UTP3: variants seen among roughly 807,000 people sequenced by gnomAD.
UTP3 encodes the protein something about silencing protein 10.
In UTP3, 19 loss-of-function variants were observed where a neutral mutation model predicts 37.9. The observed-to-expected ratio is 0.50, with a 90% CI of 0.35 to 0.74. The LOEUF (loss-of-function observed/expected upper bound fraction) is 0.74, where lower values mean the gene tolerates loss of function less well. Ranked by LOEUF, UTP3 falls within the 30% of genes least tolerant of loss-of-function variation. The probability of loss-of-function intolerance (pLI) is 0.01; values close to 1 mark genes in which losing one functional copy is unlikely to be tolerated. For synonymous variants in UTP3, 242 were observed against 218.5 expected (o/e 1.11, Z -0.95); for missense variants, 504 against 570.7 (o/e 0.88, Z 1.19).
Position 70,689,811 on chromosome 4 carries a change from C to T in UTP3, c.1134C>T (p.Tyr378=), listed in dbSNP as rs1051094600. ...TTGATGAAAAAGCAAAACTGAAGTA[C>T]TATAAAGAAATAGAAGACAGGCAAA... ...SDFDEKAKLK[Y]YKEIEDRQKL... Residue 378 remains tyrosine, a synonymous_variant, in exon 1 of 1, where the codon TAC becomes TAT. Coordinates refer to ENST00000254803, the MANE Select transcript of UTP3 (RefSeq NM_020368.3). The T allele has an allele frequency of 1.9e-6, 3 of 1,613,212 alleles. No homozygotes were observed. Among genetic ancestry groups the T allele is most frequent in the African/African-American group, 1.3e-5 (1 of 74,672 alleles).
Position 70,689,499 on chromosome 4 carries a change from T to C in UTP3, c.822T>C (p.Asn274=). 3 of 1,614,180 alleles carry C rather than the reference T, an allele frequency of 1.9e-6. No individual in the cohort carries two copies. Among genetic ancestry groups the C allele is most frequent in the Non-Finnish European group, 2.5e-6 (3 of 1,180,042 alleles). Residue 274 remains asparagine, a synonymous_variant, in exon 1 of 1, where the codon AAT becomes AAC. Transcript: ENST00000254803. ...GGACCAAGTACAACCTCTACTTGAA[T>C]TATTGCTCGAACATCAGTTTTTATT... The part of the protein sequence containing the change: ...YLRTKYNLYL[N]YCSNISFYLI...
chr4:70,688,992 G>T lies in UTP3; in HGVS notation c.315G>T (p.Glu105Asp), dbSNP rs139575168. 8.4e-4 allele frequency: 1,342 copies of T among 1,592,488 alleles called. 18 individuals carry two copies. In the African/African-American group the frequency reaches 0.016, roughly 19 times the overall value. The change falls in exon 1 of 1, where the codon GAG becomes GAT. Residue 105 changes from glutamate (E) to aspartate (D), a missense_variant. Physicochemically the swap from Glu to Asp is conservative, Grantham distance 45. Transcript: ENST00000254803. ...GGNAGEEEEE[E>D]NADDDGGSSV... is the part of the protein sequence containing the mutation. ...ATGCGGGGGAGGAGGAGGAGGAGGA[G>T]AATGCCGATGATGATGGTGGGAGCT...
In UTP3 at chr4:70,689,299, G is replaced by A; in HGVS notation, c.622G>A (p.Ala208Thr). The change falls in exon 1 of 1, where the codon GCT becomes ACT. Residue 208 changes from alanine to threonine, a missense_variant. Ala to Thr is a moderately conservative substitution (Grantham distance 58, BLOSUM62 0). Coordinates refer to ENST00000254803, the MANE Select transcript of UTP3 (RefSeq NM_020368.3). ...TGAGACACGGGTCGTGAAGGATTTG[G>A]CTAAAGTTTCAGTGAAAGAGAAGCT... Reference protein sequence around the residue: ...EAETRVVKDLAKVSVKEKLKM... With the variant: ...EAETRVVKDLTKVSVKEKLKM... 1 of 1,614,174 alleles carries A rather than the reference G, an allele frequency of 6.2e-7. No individual in the cohort carries two copies. Among genetic ancestry groups the A allele is most frequent in the Non-Finnish European group, 8.5e-7 (1 of 1,180,044 alleles).
Position 70,689,163 on chromosome 4 carries a change from G to C in UTP3, c.486G>C (p.Glu162Asp), listed in dbSNP as rs1198089315. The C allele has an allele frequency of 6.2e-7, 1 of 1,614,126 alleles. No homozygotes were observed. Among genetic ancestry groups the C allele is most frequent in the Non-Finnish European group, 8.5e-7 (1 of 1,180,014 alleles). Residue 162 changes from glutamate to aspartate, a missense_variant, in exon 1 of 1, where the codon GAG (glutamate) becomes GAC (aspartate). Glu to Asp is a conservative substitution (Grantham distance 45). Coordinates refer to ENST00000254803, the MANE Select transcript of UTP3 (RefSeq NM_020368.3). ...QEAEEEEREE[E>D]EEAQIIQRRL... ...CAGAGGAGGAGGAAAGAGAGGAGGA[G>C]GAGGAGGCACAGATCATTCAGCGGC...
chr4:70,689,540 G>GGAGA lies in UTP3; in HGVS notation c.865_868dup (p.Val290GlufsTer41). 1.2e-6 allele frequency: 2 copies of GGAGA among 1,614,194 alleles called. No individual in the cohort carries two copies. Among genetic ancestry groups the GGAGA allele is most frequent in the South Asian group, 2.2e-5 (2 of 91,084 alleles). ...AGTTTTTATTTGATCCTGAAAGCTA[G>GGAGA]GAGAGTCCCAGCACATGGACATCCT... is the stretch of plus-strand genomic sequence containing the variant. On this transcript the variant is annotated frameshift_variant, in exon 1 of 1. Coordinates refer to ENST00000254803, the MANE Select transcript of UTP3 (RefSeq NM_020368.3). LOFTEE classifies it high-confidence loss of function.
chr4:70,688,742 C>T lies in UTP3; in HGVS notation c.65C>T (p.Pro22Leu). Residue 22 changes from proline (P) to leucine (L), a missense_variant, in exon 1 of 1, where the codon CCC (proline) becomes CTC (leucine). Coordinates refer to ENST00000254803, the MANE Select transcript of UTP3 (RefSeq NM_020368.3). The part of the protein sequence containing the change: ...KWAAVRAKAG[P>L]TLTDENGDDL... ...GCAGCTGTGCGAGCCAAGGCAGGTC[C>T]CACGCTCACCGACGAAAATGGAGAT... 1 of 1,614,108 alleles carries T rather than the reference C, an allele frequency of 6.2e-7. No homozygotes were observed. The highest frequency in any genetic ancestry group is 8.5e-7 in the Non-Finnish European group (1 of 1,180,018).
At position 70,689,740 on chromosome 4, in the gene UTP3, T is replaced by G; in HGVS notation, c.1063T>G (p.Ser355Ala). The part of the protein sequence containing the change: ...KPKPKSVSKT[S>A]AAACAVTDLS... ...CAAACCAAAGTCTGTTTCAAAGACT[T>G]CTGCTGCTGCCTGTGCTGTTACAGA... Residue 355 changes from serine to alanine, a missense_variant, in exon 1 of 1, where the codon TCT becomes GCT. By Grantham distance (99) the Ser-to-Ala change is moderately conservative. Transcript: ENST00000254803. 1 of 1,614,204 alleles carries G rather than the reference T, an allele frequency of 6.2e-7. No individual in the cohort carries two copies. Among genetic ancestry groups the G allele is most frequent in the Non-Finnish European group, 8.5e-7 (1 of 1,180,044 alleles).
rs1023802477 is a variant in UTP3, at chr4:70,688,547, G to A, written c.-131G>A. On this transcript the variant is annotated 5_prime_UTR_variant, in exon 1 of 1. Transcript: ENST00000254803. Reference sequence around the variant, plus strand: ...AGGAAATTCCAGTAGCCGATCAGGAGTCTGCAAACTCCGGTGGTAGGGGAG... The same window carrying A: ...AGGAAATTCCAGTAGCCGATCAGGAATCTGCAAACTCCGGTGGTAGGGGAG... 9 of 886,096 alleles carry A rather than the reference G, an allele frequency of 1.0e-5. No homozygotes were observed. In the African/African-American group the frequency reaches 1.5e-4, roughly 15 times the overall value. 54.9% of individuals were successfully genotyped at this position (886,096 alleles called of 1,614,324 possible).
At position 70,689,832 on chromosome 4, in the gene UTP3, G is replaced by A; in HGVS notation, c.1155G>A (p.Arg385=). Residue 385 remains arginine (R), a synonymous_variant, in exon 1 of 1, where the codon AGG becomes AGA. Coordinates refer to ENST00000254803, the MANE Select transcript of UTP3 (RefSeq NM_020368.3). ...KLKYYKEIED[R]QKLKRKKEEN... ...AGTACTATAAAGAAATAGAAGACAG[G>A]CAAAAGCTAAAGAGAAAGAAAGAAG... 2 of 1,613,524 alleles carry A rather than the reference G, an allele frequency of 1.2e-6. No individual in the cohort carries two copies. Among genetic ancestry groups the A allele is most frequent in the Non-Finnish European group, 1.7e-6 (2 of 1,179,910 alleles).
At position 70,688,934 on chromosome 4, in the gene UTP3, A is replaced by G; in HGVS notation, c.257A>G (p.Asp86Gly). The G allele has an allele frequency of 1.9e-6, 3 of 1,611,084 alleles. No individual in the cohort carries two copies. Among genetic ancestry groups the G allele is most frequent in the Non-Finnish European group, 2.5e-6 (3 of 1,178,182 alleles). Reference sequence around the variant, plus strand: ...GAGGAGGAGGAGGTGCTAGCCCTAGATATGGACGATGAGGACGACGAAGAT... The same window carrying G: ...GAGGAGGAGGAGGTGCTAGCCCTAGGTATGGACGATGAGGACGACGAAGAT... The part of the protein sequence containing the change: ...EEEEEEVLAL[D>G]MDDEDDEDGG... The change falls in exon 1 of 1, where the codon GAT becomes GGT. Residue 86 changes from aspartate to glycine, a missense_variant. Coordinates refer to ENST00000254803, the MANE Select transcript of UTP3 (RefSeq NM_020368.3).
In UTP3 at chr4:70,689,373, C is replaced by T; in HGVS notation, c.696C>T (p.Asp232=). The T allele has an allele frequency of 6.2e-7, 1 of 1,614,040 alleles. No individual in the cohort carries two copies. Among genetic ancestry groups the T allele is most frequent in the Non-Finnish European group, 8.5e-7 (1 of 1,180,022 alleles). ...ESPELLELIE[D]LKVKLTEVKD... ...CAGAACTCTTGGAGCTGATAGAAGA[C>T]CTGAAAGTCAAGTTGACAGAGGTTA... Residue 232 remains aspartate, a synonymous_variant, in exon 1 of 1, where the codon GAC becomes GAT. Coordinates refer to ENST00000254803, the MANE Select transcript of UTP3 (RefSeq NM_020368.3).
rs780481984 is a variant in UTP3, at chr4:70,688,749, C to T, written c.72C>T (p.Leu24=). 1 of 1,614,138 alleles carries T rather than the reference C, an allele frequency of 6.2e-7. No individual in the cohort carries two copies. The highest frequency in any genetic ancestry group is 1.1e-5 in the South Asian group (1 of 91,078). The stretch of plus-strand genomic sequence containing the variant: ...TGCGAGCCAAGGCAGGTCCCACGCT[C>T]ACCGACGAAAATGGAGATGATTTAG... ...AAVRAKAGPT[L]TDENGDDLGL... is the part of the protein sequence containing the mutation. Residue 24 remains leucine, a synonymous_variant, in exon 1 of 1, where the codon CTC becomes CTT. Coordinates refer to ENST00000254803, the MANE Select transcript of UTP3 (RefSeq NM_020368.3).
chr4:70,688,929 C>T lies in UTP3; in HGVS notation c.252C>T (p.Ala84=), dbSNP rs769806778. ...AGGAGGAGGAGGAGGAGGTGCTAGC[C>T]CTAGATATGGACGATGAGGACGACG... ...DGEEEEEEVL[A]LDMDDEDDED... is the part of the protein sequence containing the mutation. The change falls in exon 1 of 1, where the codon GCC becomes GCT. Residue 84 remains alanine, a synonymous_variant. Transcript: ENST00000254803. The T allele has an allele frequency of 1.2e-6, 2 of 1,610,448 alleles. No individual in the cohort carries two copies. Among genetic ancestry groups the T allele is most frequent in the South Asian group, 1.1e-5 (1 of 90,688 alleles).
Position 70,689,713 on chromosome 4 carries a change from C to A in UTP3, c.1036C>A (p.Pro346Thr). The A allele has an allele frequency of 6.2e-6, 10 of 1,614,180 alleles. No individual in the cohort carries two copies. The highest frequency in any genetic ancestry group is 8.5e-6 in the Non-Finnish European group (10 of 1,180,036). Reference protein sequence around the residue: ...ELIPKAKSTKPKPKSVSKTSA... With the variant: ...ELIPKAKSTKTKPKSVSKTSA... ...GATTCCAAAAGCAAAATCCACCAAG[C>A]CCAAACCAAAGTCTGTTTCAAAGAC... The change falls in exon 1 of 1, where the codon CCC becomes ACC. Residue 346 changes from proline to threonine, a missense_variant. Pro to Thr is a conservative substitution (Grantham distance 38). Transcript: ENST00000254803.
rs1739594106 is a variant in UTP3, at chr4:70,690,283, G to A, written c.*166G>A. On this transcript the variant is annotated 3_prime_UTR_variant, in exon 1 of 1. Coordinates refer to ENST00000254803, the MANE Select transcript of UTP3 (RefSeq NM_020368.3). ...TTTATAAGAACTATGGGAGCAATAT[G>A]AAGGTGCTTGAGAAAAGAGATGATG... The A allele has an allele frequency of 4.1e-5, 26 of 641,106 alleles. No individual in the cohort carries two copies. The South Asian group carries it at 1.4e-3, about 33-fold the overall frequency. 39.7% of individuals were successfully genotyped at this position (641,106 alleles called of 1,614,324 possible). A position where few individuals can be genotyped will look rare whatever the true frequency, so the allele number is the denominator to read the frequency against.
Position 70,689,529 on chromosome 4 carries a change from C to T in UTP3, c.852C>T (p.Ile284=). The part of the protein sequence containing the change: ...NYCSNISFYL[I]LKARRVPAHG... ...GCTCGAACATCAGTTTTTATTTGAT[C>T]CTGAAAGCTAGGAGAGTCCCAGCAC... Residue 284 remains isoleucine, a synonymous_variant, in exon 1 of 1, where the codon ATC becomes ATT. Transcript: ENST00000254803. 1.2e-6 allele frequency: 2 copies of T among 1,614,186 alleles called. No individual in the cohort carries two copies. The highest frequency in any genetic ancestry group is 1.7e-6 in the Non-Finnish European group (2 of 1,180,036).
Position 70,690,280 on chromosome 4 carries a change from T to C in UTP3, c.*163T>C. ...CAATTTATAAGAACTATGGGAGCAATATGAAGGTGCTTGAGAAAAGAGATG... is the reference window on the plus strand; with the variant it reads ...CAATTTATAAGAACTATGGGAGCAACATGAAGGTGCTTGAGAAAAGAGATG... On this transcript the variant is annotated 3_prime_UTR_variant, in exon 1 of 1. Transcript: ENST00000254803. The C allele has an allele frequency of 1.5e-6, 1 of 663,912 alleles. No individual in the cohort carries two copies. The highest frequency in any genetic ancestry group is 2.2e-6 in the Non-Finnish European group (1 of 450,192). The allele number at this position is 663,912 out of a possible 1,614,324, so 41.1% of individuals were successfully genotyped here.
In UTP3 at chr4:70,690,015, A is replaced by C; in HGVS notation, c.1338A>C (p.Arg446Ser). 6.2e-7 allele frequency: 1 copy of C among 1,614,152 alleles called. No individual in the cohort carries two copies. The highest frequency in any genetic ancestry group is 8.5e-7 in the Non-Finnish European group (1 of 1,180,020). Residue 446 changes from arginine to serine, a missense_variant, in exon 1 of 1, where the codon AGA becomes AGC. By Grantham distance (110) the Arg-to-Ser change is moderately radical (BLOSUM62 -1). Transcript: ENST00000254803. ...AGAAGTTCAGAAGAGCCAAAATTAG[A>C]AGAAGAGGCCAGGTTCGTGAAGTTC... ...HREKFRRAKI[R>S]RRGQVREVRK...
Position 70,688,859 on chromosome 4 carries a change from C to G in UTP3, c.182C>G (p.Ala61Gly), listed in dbSNP as rs756612188. ...GAGGCACGATCCCGGGCCGCCTTAG[C>G]TAAGGGCTGGAATGAAGTACAGAGT... ...FHEARSRAAL[A>G]KGWNEVQSGD... Residue 61 changes from alanine to glycine, a missense_variant, in exon 1 of 1, where the codon GCT (alanine) becomes GGT (glycine). Ala to Gly is a moderately conservative substitution (Grantham distance 60, BLOSUM62 0). Coordinates refer to ENST00000254803, the MANE Select transcript of UTP3 (RefSeq NM_020368.3). The G allele has an allele frequency of 2.1e-5, 34 of 1,613,930 alleles. No individual in the cohort carries two copies. In the South Asian group the frequency reaches 2.3e-4, roughly 11 times the overall value.
Sources: gnomAD v4.1 joint callset for allele counts on GRCh38, gnomAD v4.1.1 for gene constraint, MANE v1.5 for transcripts, NCBI Gene and HGNC (gene_info 2026-07-23, HGNC 2026-07-21) for gene names.